Variants in SUMF1 observed in about 807,000 individuals in gnomAD.
SUMF1 encodes the protein formylglycine-generating enzyme.
SUMF1 carries 48 observed loss-of-function variants against 47.6 expected under a neutral mutation model. The ratio of observed to expected loss-of-function variants is 1.01; its 90% confidence interval spans 0.80 to 1.28. The LOEUF (loss-of-function observed/expected upper bound fraction) is 1.28. Among genes scored for constraint, SUMF1 ranks in the 50% most tolerant of loss-of-function variants. SUMF1 has a pLI of 0.00. For missense variants in SUMF1, 571 were observed against 485.4 expected (o/e 1.18, Z -1.66); for synonymous variants, 230 against 192.1 (o/e 1.20, Z -1.63).
At chr3:4,399,521 G>C (rs537268360) in intron 7 of SUMF1, among the ~76,000 whole-genome samples, 14 of 152,274 alleles carry the variant, frequency 9.2e-5, no homozygotes, top group South Asian at 2.1e-4. Flanking sequence ...TTTGCTTACA[G>C]CCAAGAGTGA....
At chr3:4,407,631 G>GCAAATAAATT (rs1701416910) in intron 7 of SUMF1, among the ~76,000 whole-genome samples, 1 of 152,154 alleles carries the variant, frequency 6.6e-6, no homozygotes, top group Non-Finnish European at 1.5e-5. Flanking sequence ...GTCCATTAGG[G>GCAAATAAATT]AAGAAAAGCA....
chr3:4,114,602 C>CA (rs1693381369), intron 8 of SUMF1, among the ~76,000 whole-genome samples: 4 of 150,488 alleles, frequency 2.7e-5, no homozygotes, highest in Admixed American at 1.3e-4. Context: ...TAATGAGACC[C>CA]GTATCAGGTT....
At chr3:4,060,849 ATTTG>A (rs1695265888) in intron 9 of SUMF1, among the ~76,000 whole-genome samples, 1 of 152,280 alleles carries the variant, frequency 6.6e-6, no homozygotes, top group African/African-American at 2.4e-5. Flanking sequence ...AGTAAATAGC[ATTTG>A]TTAAGTAAAT....
chr3:4,264,913 C>T (rs1697158054), intron 8 of SUMF1, among the ~76,000 whole-genome samples: 1 of 152,116 alleles, frequency 6.6e-6, no homozygotes, highest in African/African-American at 2.4e-5. Flanking sequence ...GCAGGTGGAT[C>T]ATCTGAGATC....
At chr3:4,424,785 A>C (rs569257338) in intron 3 of SUMF1, among the ~76,000 whole-genome samples, 45 of 152,316 alleles carry the variant, frequency 3.0e-4, no homozygotes, top group African/African-American at 1.0e-3. Flanking sequence ...TATCATCAGG[A>C]AAAAAATGTC....
chr3:4,267,008 T>A (rs1378811489), intron 8 of SUMF1, among the ~76,000 whole-genome samples: 1 of 152,156 alleles, frequency 6.6e-6, no homozygotes, highest in Non-Finnish European at 1.5e-5. Context: ...TTTGGTTCTG[T>A]TTATATGCTG....
chr3:4,044,423 T>C (rs150636421), intron 9 of SUMF1, among the ~76,000 whole-genome samples: 518 of 152,300 alleles, frequency 3.4e-3, no homozygotes, highest in African/African-American at 0.012. Context: ...ATTGAAATGG[T>C]TGCCCAAAAT....
At chr3:4,246,120 G>T (rs944366510) in intron 8 of SUMF1, among the ~76,000 whole-genome samples, 8 of 152,172 alleles carry the variant, frequency 5.3e-5, no homozygotes, top group African/African-American at 1.4e-4. Flanking sequence ...TGAGAAAAGT[G>T]CCGTATTTGG....
At chr3:4,222,132 G>A (rs1013014364) in intron 8 of SUMF1, among the ~76,000 whole-genome samples, 4 of 152,020 alleles carry the variant, frequency 2.6e-5, no homozygotes, top group South Asian at 2.1e-4. Flanking sequence ...AACTGGAAGA[G>A]CATGTACCAA....
intron 8 of SUMF1, among the ~76,000 whole-genome samples, chr3:4,260,113 T>C (rs377104787): frequency 5.8e-4 from 89 of 152,206 alleles, no homozygotes; most frequent in African/African-American, 1.9e-3. Flanking sequence ...CTCAGGAACT[T>C]CTAATACTTC....
chr3:4,356,749 T>A (rs147943101), downstream of SUMF1, among the ~76,000 whole-genome samples: 188 of 152,240 alleles, frequency 1.2e-3, no homozygotes, highest in African/African-American at 4.1e-3. Context: ...TCAGAAGGCT[T>A]CACACAAAAA....
At chr3:4,132,074 T>C (rs7650830) in intron 8 of SUMF1, among the ~76,000 whole-genome samples, 50,956 of 151,950 alleles carry the variant, frequency 0.34, 9,149 homozygotes, top group Non-Finnish European at 0.41. Context: ...GGCAGGTTGG[T>C]TATATTGGAC....
intron 8 of SUMF1, among the ~76,000 whole-genome samples, chr3:4,256,780 T>C (rs1696963572): frequency 6.6e-6 from 1 of 151,884 alleles, no homozygotes; most frequent in East Asian, 1.9e-4. Flanking sequence ...ATCATTCTGA[T>C]ACCAAAGCCG....
At chr3:4,201,934 A>AT (rs1364702979) in intron 8 of SUMF1, among the ~76,000 whole-genome samples, 4 of 151,884 alleles carry the variant, frequency 2.6e-5, no homozygotes, top group African/African-American at 4.8e-5. Context: ...TCTTTTGCCC[A>AT]TTTTTTTAAT....
In SUMF1 at chr3:4,103,536, C is replaced by A. The variant is rs562230448; in HGVS notation, c.1015-34791G>T. On this transcript the variant is annotated intron_variant and NMD_transcript_variant, in intron 8 of 12. Coordinates refer to the SUMF1 transcript ENST00000448413. ...GAGGATGGCAAGTCCTAGAATGTTC[C>A]TTGATATTCTATCTCCCTTCTCGTA... 1.5e-4 allele frequency among the ~76,000 whole-genome samples: 23 copies of A among 152,148 alleles called. No individual in the cohort carries two copies. The Middle Eastern group carries it at 0.01, about 68-fold the overall frequency.
At chr3:4,456,452 TTG>T (rs1483367133) in intron 1 of SUMF1, among the ~76,000 whole-genome samples, 25 of 127,600 alleles carry the variant, frequency 2.0e-4, no homozygotes, top group African/African-American at 6.9e-4. Context: ...ATGTTTTTCT[TTG>T]TTTTTTTTTT....
intron 8 of SUMF1, among the ~76,000 whole-genome samples, chr3:4,249,771 C>A (rs1177835268): frequency 1.3e-5 from 2 of 152,310 alleles, no homozygotes; most frequent in South Asian, 4.1e-4. Flanking sequence ...TGAAAGTCAA[C>A]AAAGGCTGAA....
intron 8 of SUMF1, among the ~76,000 whole-genome samples, chr3:4,311,054 T>A (rs1559216090): frequency 6.6e-6 from 1 of 152,206 alleles, no homozygotes; most frequent in Non-Finnish European, 1.5e-5. Context: ...CCTGCTAAGC[T>A]AAAGCTGTAA....
intron 8 of SUMF1, among the ~76,000 whole-genome samples, chr3:4,211,203 C>CATATATATATAT (rs57172340): frequency 2.0e-5 from 2 of 98,172 alleles, no homozygotes; most frequent in Non-Finnish European, 4.0e-5. Flanking sequence ...TACATACATA[C>CATATATATATAT]ATATATATAT....
Sources: gnomAD v4.1 joint callset for allele counts (sites outside exome capture counted in the v4.1 genomes callset) on GRCh38, gnomAD v4.1.1 for gene constraint, MANE v1.5 for transcripts, NCBI Gene and HGNC (gene_info 2026-07-23, HGNC 2026-07-21) for gene names.